KCNH7: variants seen among roughly 807,000 people sequenced by gnomAD.
The protein encoded by KCNH7 is voltage-gated inwardly rectifying potassium channel KCNH7.
In KCNH7, 49 loss-of-function variants were observed where a neutral mutation model predicts 120.8. The ratio of observed to expected loss-of-function variants is 0.41; its 90% CI spans 0.32 to 0.51. The LOEUF is 0.51. KCNH7 is among the 20% of genes least tolerant of loss of function. The pLI is 0.38. For missense variants in KCNH7, 1,097 were observed against 1,446.6 expected, an observed-to-expected ratio of 0.76 and a Z score of 3.92; for synonymous variants, 547 against 516.1, an observed-to-expected ratio of 1.06 and a Z score of -0.81.
intron 2 of KCNH7, among the ~76,000 whole-genome samples, chr2:162,636,821 G>A (rs10803782): frequency 0.11 from 16,181 of 152,074 alleles, 1,599 homozygotes; most frequent in East Asian, 0.3. Context: ...AGTTATGAAT[G>A]TTGCTCTGCA....
chr2:162,669,881 C>A (rs1685282616), intron 2 of KCNH7, among the ~76,000 whole-genome samples: 1 of 152,088 alleles, frequency 6.6e-6, no homozygotes, highest in Non-Finnish European at 1.5e-5. Flanking sequence ...GGGCGGATAA[C>A]CTGAGGTCAG....
At chr2:162,423,789 G>A (rs979698568) in intron 8 of KCNH7, among the ~76,000 whole-genome samples, 2 of 152,142 alleles carry the variant, frequency 1.3e-5, no homozygotes, top group Non-Finnish European at 2.9e-5. Flanking sequence ...TATTACATCA[G>A]CTTGTGGCTG....
At chr2:162,382,753 T>A (rs2105408505) in intron 13 of KCNH7, among the ~76,000 whole-genome samples, 1 of 152,120 alleles carries the variant, frequency 6.6e-6, no homozygotes, top group Non-Finnish European at 1.5e-5. Flanking sequence ...ACACATTGCA[T>A]ATTAATGCAA....
chr2:162,400,147 C>T (rs773807112), intron 10 of KCNH7, 42 bp downstream of exon 10: 2 of 1,600,262 alleles, frequency 1.2e-6, no homozygotes, highest in South Asian at 1.1e-5. Flanking sequence ...GCATTACAAG[C>T]TAATAACTGA....
intron 2 of KCNH7, among the ~76,000 whole-genome samples, chr2:162,705,074 G>C (rs1389874166): frequency 6.6e-6 from 1 of 152,044 alleles, no homozygotes; most frequent in Non-Finnish European, 1.5e-5. Context: ...CTTCAGCTAT[G>C]TGGAAATCAT....
At chr2:162,524,524 T>C (rs528309395) in intron 3 of KCNH7, among the ~76,000 whole-genome samples, 2 of 152,134 alleles carry the variant, frequency 1.3e-5, no homozygotes, top group Non-Finnish European at 2.9e-5. Flanking sequence ...TGAAAAATTA[T>C]GATCTGAATT....
chr2:162,624,829 C>T (rs1022857803), intron 2 of KCNH7, among the ~76,000 whole-genome samples: 5 of 150,866 alleles, frequency 3.3e-5, no homozygotes, highest in African/African-American at 2.5e-5. Context: ...ATTCATATTA[C>T]GCCACCAAAG....
intron 2 of KCNH7, among the ~76,000 whole-genome samples, chr2:162,754,381 G>T (rs1432806826): frequency 6.6e-6 from 1 of 151,942 alleles, no homozygotes; most frequent in Non-Finnish European, 1.5e-5. Flanking sequence ...GATAGGGAGG[G>T]TATAAAAATT....
chr2:162,793,647 A>G (rs1054293175), intron 2 of KCNH7, among the ~76,000 whole-genome samples: 2 of 151,966 alleles, frequency 1.3e-5, no homozygotes, highest in African/African-American at 4.8e-5. Context: ...AGCTATCTAC[A>G]GATTCAATGT....
chr2:162,632,785 T>C lies in KCNH7; in HGVS notation c.308-95705A>G, dbSNP rs758648426. ...GTGACAATCAGCTAACCATCTAAAA[T>C]GAAACAAAATTAGATCATATATAGT... On this transcript the variant is annotated intron_variant, in intron 2 of 15. Transcript: ENST00000332142. Among the ~76,000 whole-genome samples, 131 of 151,756 alleles carry C rather than the reference T, an allele frequency of 8.6e-4. 1 individual carries two copies. The highest frequency in any genetic ancestry group is 1.9e-4 in the Non-Finnish European group (13 of 67,778).
At chr2:162,649,960 C>A (rs1435529739) in intron 2 of KCNH7, among the ~76,000 whole-genome samples, 1 of 152,058 alleles carries the variant, frequency 6.6e-6, no homozygotes, top group Non-Finnish European at 1.5e-5. Context: ...TTAGGTAAAG[C>A]AAAGGAATGC....
intron 2 of KCNH7, among the ~76,000 whole-genome samples, chr2:162,702,039 G>C (rs1265828244): frequency 2.0e-5 from 3 of 151,692 alleles, no homozygotes; most frequent in Non-Finnish European, 4.4e-5. Context: ...TTTCTATGTT[G>C]GTGCTCAGGT....
At chr2:162,586,915 C>T (rs999766468) in intron 2 of KCNH7, among the ~76,000 whole-genome samples, 1 of 151,924 alleles carries the variant, frequency 6.6e-6, no homozygotes, top group Non-Finnish European at 1.5e-5. Flanking sequence ...ATCGTCATGA[C>T]CAAAATTTAG....
intron 2 of KCNH7, among the ~76,000 whole-genome samples, chr2:162,617,128 T>C (rs1489840300): frequency 6.6e-6 from 1 of 152,132 alleles, no homozygotes; most frequent in Non-Finnish European, 1.5e-5. Flanking sequence ...TAGCCAAAGT[T>C]ATGAAGAAGC....
Position 162,720,299 on chromosome 2 carries a change from TAAAAAAAAAA to T in KCNH7, c.307+116228_307+116237del, listed in dbSNP as rs59618789. Reference sequence around the variant, plus strand: ...CCTTCACCATCTAGTGATGTGTGATTAAAAAAAAAAAAAAAAAAAAAAAAGAGAGAGAGAG... The same window carrying T: ...CCTTCACCATCTAGTGATGTGTGATTAAAAAAAAAAAAAAGAGAGAGAGAG... On this transcript the variant is annotated intron_variant, in intron 2 of 15. Transcript: ENST00000332142. Among the ~76,000 whole-genome samples the T allele has an allele frequency of 3.1e-5, 3 of 97,950 alleles. 1 individual carries two copies. Among genetic ancestry groups the T allele is most frequent in the Non-Finnish European group, 6.6e-5 (3 of 45,510 alleles). The allele number at this position is 97,950 out of a possible 152,430, so 64.3% of individuals were successfully genotyped here.
rs58051214 is a variant in KCNH7 at position 162,543,284 on chromosome 2, G to GCACA, written c.308-6208_308-6205dup. Among the ~76,000 whole-genome samples the GCACA allele has an allele frequency of 6.0e-5, 9 of 149,114 alleles. No homozygotes were observed. In the East Asian group the frequency reaches 1.4e-3, roughly 23 times the overall value. The stretch of plus-strand genomic sequence containing the variant: ...TAATCTCTCTCTCACACACACATAC[G>GCACA]CACACACACACACACACACAAATAC... On this transcript the variant is annotated intron_variant, in intron 2 of 15. Coordinates refer to ENST00000332142, the MANE Select transcript of KCNH7 (RefSeq NM_033272.4).
At chr2:162,540,245 A>G (rs561375277) in intron 2 of KCNH7, among the ~76,000 whole-genome samples, 1 of 150,958 alleles carries the variant, frequency 6.6e-6, no homozygotes, top group African/African-American at 2.5e-5. Context: ...TATTATTTAT[A>G]AAATTATACA....
intron 9 of KCNH7, among the ~76,000 whole-genome samples, chr2:162,419,782 G>C (rs564427034): frequency 4.6e-5 from 7 of 152,074 alleles, no homozygotes; most frequent in Non-Finnish European, 8.8e-5. Flanking sequence ...TTCAAGCCAG[G>C]CTCCTGTGTG....
intron 2 of KCNH7, among the ~76,000 whole-genome samples, chr2:162,775,532 G>A (rs1683203094): frequency 6.6e-6 from 1 of 151,930 alleles, no homozygotes; most frequent in Non-Finnish European, 1.5e-5. Flanking sequence ...TGGATAAAAT[G>A]AATAATCAAA....
Sources: allele counts gnomAD v4.1 joint callset (sites outside exome capture counted in the v4.1 genomes callset), GRCh38; gene constraint gnomAD v4.1.1; transcripts MANE v1.5; gene names NCBI Gene and HGNC (gene_info 2026-07-23, HGNC 2026-07-21).